The following LZTR1 variants were observed in gnomAD, a reference collection of about 807,000 sequenced individuals.
LZTR1 encodes the protein leucine zipper like post translational regulator 1, also known as leucine-zipper-like transcriptional regulator 1.
LZTR1 carries 260 observed loss-of-function variants against 105.7 expected under a neutral mutation model. That is an observed-to-expected ratio of 2.46 (90% CI 2.22 to 2.72). The LOEUF is 2.72. LZTR1 is among the 30% of genes most tolerant of loss of function. The pLI, the probability that LZTR1 is intolerant of heterozygous loss-of-function variation, is 0.00. For synonymous variants in LZTR1, 490 were observed against 476.4 expected, an observed-to-expected ratio of 1.03 and a Z score of -0.37; for missense variants, 1,214 against 1,166.9, an observed-to-expected ratio of 1.04 and a Z score of -0.59.
chr22:20,993,873 CT>C lies in LZTR1; in HGVS notation c.1354-50del, dbSNP rs768462327. 1.1e-3 allele frequency: 1,693 copies of C among 1,586,248 alleles called. 3 individuals are homozygous for C. Among genetic ancestry groups the C allele is most frequent in the Non-Finnish European group, 1.3e-3 (1,558 of 1,164,968 alleles). On this transcript the variant is annotated intron_variant, in intron 12 of 20. Coordinates refer to ENST00000646124, the MANE Select transcript of LZTR1 (RefSeq NM_006767.4). ...GACCTTGGCTGGCTGGGTCTCTGTT[CT>C]CTGGGGCGAGGGTCCTGTGCCCTCT...
intron 16 of LZTR1, chr22:20,995,243 G>T: frequency 2.9e-6 from 2 of 701,718 alleles, no homozygotes; most frequent in Non-Finnish European, 5.2e-6. Context: ...CTGGTGACCT[G>T]GGATTTCCTG....
chr22:20,982,965 C>T (rs1924251266), intron 1 of LZTR1, 62 bp from the exon 2 acceptor site: 2 of 1,433,720 alleles, frequency 1.4e-6, no homozygotes, highest in African/African-American at 1.4e-5. Flanking sequence ...TGCTTAGTCC[C>T]ATTCCTTGGG....
chr22:20,996,998 C>T (rs778842164), intron 20 of LZTR1, 32 bp downstream of exon 20: 27 of 1,608,762 alleles, frequency 1.7e-5, no homozygotes, highest in Non-Finnish European at 2.3e-5. Flanking sequence ...TCAGGACTCG[C>T]TTCCCCTTGG....
Position 20,997,267 on chromosome 22 carries a change from G to C in LZTR1, c.2442G>C (p.Gln814His). 2 of 1,613,894 alleles carry C rather than the reference G, an allele frequency of 1.2e-6. No individual in the cohort carries two copies. The highest frequency in any genetic ancestry group is 1.7e-6 in the Non-Finnish European group (2 of 1,179,956). ...SKLPTLRSLS[Q>H]QLLLDIIDSL... Reference sequence around the variant, plus strand: ...TGCCCACCCTGCGGTCGCTGAGCCAGCAGCTGCTGCTGGACATCATAGACT... The same window carrying C: ...TGCCCACCCTGCGGTCGCTGAGCCACCAGCTGCTGCTGGACATCATAGACT... The change falls in exon 21 of 21, where the codon CAG becomes CAC. Residue 814 changes from glutamine to histidine, a missense_variant. Transcript: ENST00000646124.
At chr22:20,996,991 G>A (rs1179471385) in intron 20 of LZTR1, 25 bp downstream of exon 20, 3 of 1,611,470 alleles carry the variant, frequency 1.9e-6, no homozygotes, top group South Asian at 1.1e-5. Context: ...CTCCCCTTCA[G>A]GACTCGCTTC....
rs370616172 is a variant in LZTR1 at position 20,982,361 on chromosome 22, G to T, written c.-11G>T. Reference sequence around the variant, plus strand: ...GGGCTTACAGCGCGGCCGATCCGGCGTGGACCCGGGATGGCTGGACCGGGC... The same window carrying T: ...GGGCTTACAGCGCGGCCGATCCGGCTTGGACCCGGGATGGCTGGACCGGGC... On this transcript the variant is annotated 5_prime_UTR_variant, in exon 1 of 21. Coordinates refer to ENST00000646124, the MANE Select transcript of LZTR1 (RefSeq NM_006767.4). The T allele has an allele frequency of 6.5e-7, 1 of 1,546,160 alleles. No individual in the cohort carries two copies. Among genetic ancestry groups the T allele is most frequent in the African/African-American group, 1.4e-5 (1 of 73,148 alleles).
chr22:20,994,001 G>A lies in LZTR1; in HGVS notation c.1431G>A (p.Ala477=), dbSNP rs767450866. 9.3e-6 allele frequency: 15 copies of A among 1,610,358 alleles called. No individual in the cohort carries two copies. The highest frequency in any genetic ancestry group is 4.5e-5 in the East Asian group (2 of 44,786). Residue 477 remains alanine (A), a synonymous_variant, in exon 13 of 21, where the codon GCG becomes GCA. Transcript: ENST00000646124. ...SRWLRRKITQ[A]RERLAQKLEQ... ...GGCTTCGCAGGAAGATCACGCAGGC[G>A]CGGGAGAGGCTGGCCCAGGTGAGGT...
In LZTR1 at chr22:20,987,367, C is replaced by T. The variant is rs530038994; in HGVS notation, c.321-137C>T. 4.5e-4 allele frequency: 266 copies of T among 591,258 alleles called. 1 individual carries two copies. Among genetic ancestry groups the T allele is most frequent in the Middle Eastern group, 3.7e-3 (12 of 3,282 alleles). 36.6% of individuals were successfully genotyped at this position (591,258 alleles called of 1,614,324 possible). Reference sequence around the variant, plus strand: ...TCGTGCCACTGCACTCCAGCCGGGACGACAGAGAGAGACTCCGTCTCAAAA... The same window carrying T: ...TCGTGCCACTGCACTCCAGCCGGGATGACAGAGAGAGACTCCGTCTCAAAA... On this transcript the variant is annotated intron_variant, in intron 3 of 20. Transcript: ENST00000646124.
Position 20,998,037 on chromosome 22 carries a change from A to AAGCC in LZTR1, c.*693_*696dup, listed in dbSNP as rs1010322722. 2.0e-5 allele frequency: 3 copies of AAGCC among 152,306 alleles called. No individual in the cohort carries two copies. The highest frequency in any genetic ancestry group is 7.2e-5 in the African/African-American group (3 of 41,448). The allele number at this position is 152,306 out of a possible 1,614,324, so 9.4% of individuals were successfully genotyped here. The stretch of plus-strand genomic sequence containing the variant: ...TGCATGTCAGGGCTCGGCCGGGAAG[A>AAGCC]AGCCAGCAAAGTCCCCCGTGTCCCT... On this transcript the variant is annotated 3_prime_UTR_variant, in exon 21 of 21. Transcript: ENST00000646124.
Position 20,997,617 on chromosome 22 carries a change from C to T in LZTR1, c.*269C>T, listed in dbSNP as rs1900599761. ...CTGGTGTAGTGTGGATGCGAGGCCA[C>T]GGCTCAGTGATGGGCTCACCACCCA... On this transcript the variant is annotated 3_prime_UTR_variant, in exon 21 of 21. Coordinates refer to ENST00000646124, the MANE Select transcript of LZTR1 (RefSeq NM_006767.4). The T allele has an allele frequency of 1.9e-5, 7 of 372,738 alleles. No individual in the cohort carries two copies. Among genetic ancestry groups the T allele is most frequent in the Admixed American group, 7.8e-5 (2 of 25,626 alleles). The allele number at this position is 372,738 out of a possible 1,614,324, so 23.1% of individuals were successfully genotyped here.
In LZTR1 at chr22:20,993,760, T is replaced by G. The variant is rs1924691422; in HGVS notation, c.1353+6T>G. 2.5e-6 allele frequency: 4 copies of G among 1,611,342 alleles called. No homozygotes were observed. The highest frequency in any genetic ancestry group is 2.5e-6 in the Non-Finnish European group (3 of 1,179,050). On this transcript the variant is annotated splice_donor_region_variant and intron_variant, in intron 12 of 20. Coordinates refer to ENST00000646124, the MANE Select transcript of LZTR1 (RefSeq NM_006767.4). ...TGGAGTTCGTGCTGGGTGAGGTGGG[T>G]GCCTGTCCTCGCACCCTGCTCTGCC...
chr22:20,993,943 G>C lies in LZTR1; in HGVS notation c.1373G>C (p.Gly458Ala), dbSNP rs1303528589. The C allele has an allele frequency of 1.2e-6, 2 of 1,612,298 alleles. No homozygotes were observed. Among genetic ancestry groups the C allele is most frequent in the Admixed American group, 3.3e-5 (2 of 59,962 alleles). Residue 458 changes from glycine to alanine, a missense_variant, in exon 13 of 21, where the codon GGC (glycine) becomes GCC (alanine). Physicochemically the swap from Gly to Ala is moderately conservative, Grantham distance 60. Transcript: ENST00000646124. ...GTGCAGAAGGAGGAGTGCGTGCAGG[G>C]CCACGTAGCCATTGTCACAGCGCGG... ...VLGEKEECVQ[G>A]HVAIVTARSR...
intron 16 of LZTR1, chr22:20,995,266 G>A: frequency 1.4e-6 from 1 of 690,432 alleles, no homozygotes; most frequent in Non-Finnish European, 2.7e-6. Flanking sequence ...CCAATTTCTG[G>A]GGGTGGACAT....
chr22:20,982,714 A>C, intron 1 of LZTR1, 143 bp downstream of exon 1: 2 of 814,928 alleles, frequency 2.5e-6, no homozygotes, highest in South Asian at 3.3e-5. Flanking sequence ...GACGCTGTTC[A>C]GGGCAGGGGA....
Position 20,985,870 on chromosome 22 carries a change from T to C in LZTR1, c.293T>C (p.Phe98Ser). ...GKTMLNDLLR[F>S]DVKDCSWCRA... ...ACCATGCTCAATGACCTCCTGCGGT[T>C]CGATGTGAAAGACTGCTCCTGGTGC... Residue 98 changes from phenylalanine to serine, a missense_variant, in exon 3 of 21, where the codon TTC becomes TCC. Transcript: ENST00000646124. 6.2e-7 allele frequency: 1 copy of C among 1,614,176 alleles called. No individual in the cohort carries two copies.
chr22:20,983,259 G>A (rs1349057350), intron 2 of LZTR1, 170 bp downstream of exon 2: 10 of 637,962 alleles, frequency 1.6e-5, no homozygotes, highest in Middle Eastern at 8.0e-4. Context: ...TCGTGGTGAG[G>A]ATTAAATGAG....
intron 18 of LZTR1, 159 bp downstream of exon 18, chr22:20,996,271 C>A: frequency 2.5e-6 from 2 of 785,686 alleles, no homozygotes; most frequent in Non-Finnish European, 4.0e-6. Flanking sequence ...GCCTGGTGCT[C>A]TCTGAAGCAG....
chr22:20,991,946 G>A (rs1438250036), intron 9 of LZTR1, 117 bp downstream of exon 9: 2 of 1,010,306 alleles, frequency 2.0e-6, no homozygotes, highest in African/African-American at 1.6e-5. Flanking sequence ...GCTACCAGGA[G>A]CAAGGCCAGG....
At chr22:20,996,188 C>A (rs182743004) in intron 18 of LZTR1, 76 bp downstream of exon 18, 1 of 1,497,902 alleles carries the variant, frequency 6.7e-7, no homozygotes, top group African/African-American at 1.4e-5. Flanking sequence ...CTTTGAGGCC[C>A]GCTCTCCTGC....
Sources: gnomAD v4.1 joint callset for allele counts on GRCh38, gnomAD v4.1.1 for gene constraint, MANE v1.5 for transcripts, NCBI Gene and HGNC (gene_info 2026-07-23, HGNC 2026-07-21) for gene names.